The following FAXDC2 variants were observed in gnomAD, a reference collection of about 807,000 sequenced individuals.
FAXDC2 encodes fatty acid hydroxylase domain-containing protein 2.
In FAXDC2, 41 loss-of-function variants were observed where a neutral mutation model predicts 40.9. The ratio of observed to expected loss-of-function variants is 1.00; its 90% CI spans 0.78 to 1.30. The LOEUF (loss-of-function observed/expected upper bound fraction) is 1.30, where lower values mean the gene tolerates loss of function less well. FAXDC2 is among the 50% of genes most tolerant of loss of function. The pLI is 0.00. For synonymous variants in FAXDC2, 157 were observed against 149.3 expected (o/e 1.05, Z -0.38); for missense variants, 390 against 408.8 (o/e 0.95, Z 0.40).
At chr5:154,842,373 TA>T (rs1294668581) in intron 1 of FAXDC2, among the ~76,000 whole-genome samples, 1 of 147,658 alleles carries the variant, frequency 6.8e-6, no homozygotes, top group Non-Finnish European at 1.5e-5. Context: ...AATTTTTTTG[TA>T]TTTTTTTTTT....
Position 154,838,163 on chromosome 5 carries a change from C to T in FAXDC2, c.16G>A (p.Gly6Arg). ...GACTTTTCATTGTGTAGCATATGTC[C>T]AGCTTCTCCTTTCATCTGGAATGAG... MKGEA[G>R]HMLHNEKSKQ... Residue 6 changes from glycine (G) to arginine (R), a missense_variant, in exon 2 of 9, where the codon GGA becomes AGA. Coordinates refer to ENST00000326080, the MANE Select transcript of FAXDC2 (RefSeq NM_032385.5). The T allele has an allele frequency of 1.2e-6, 2 of 1,613,548 alleles. No individual in the cohort carries two copies. Among genetic ancestry groups the T allele is most frequent in the Non-Finnish European group, 1.7e-6 (2 of 1,179,816 alleles).
intron 6 of FAXDC2, 164 bp downstream of exon 6, chr5:154,823,223 A>G (rs1374661411): frequency 1.6e-6 from 1 of 629,856 alleles, no homozygotes; most frequent in Non-Finnish European, 2.8e-6. Flanking sequence ...GACATTCCCC[A>G]GGCTAGTCTC....
intron 1 of FAXDC2, among the ~76,000 whole-genome samples, chr5:154,842,189 T>TTTTTG (rs767625737): frequency 7.2e-5 from 11 of 151,824 alleles, no homozygotes; most frequent in Admixed American, 4.6e-4. Context: ...GTTTGTGTGT[T>TTTTTG]TTTTGTTTTG....
chr5:154,841,116 T>A (rs997001481), intron 1 of FAXDC2, among the ~76,000 whole-genome samples: 2 of 150,658 alleles, frequency 1.3e-5, no homozygotes, highest in Non-Finnish European at 2.9e-5. Flanking sequence ...TGGTGTGGCG[T>A]AGGCCTAACC....
At position 154,821,366 on chromosome 5, in the gene FAXDC2, T is replaced by C; in HGVS notation, c.739A>G (p.Ile247Val). The change falls in exon 8 of 9, where the codon ATC (isoleucine) becomes GTC (valine). Residue 247 changes from isoleucine to valine, a missense_variant. Transcript: ENST00000326080. ...AGGGCCAAGGAAAACCACATGGTGA[T>C]GGAGGACAAGTGGGAGCCCATTACT... The part of the protein sequence containing the change: ...PLVMGSHLSS[I>V]TMWFSLALII... The C allele has an allele frequency of 6.2e-7, 1 of 1,612,168 alleles. No individual in the cohort carries two copies. The highest frequency in any genetic ancestry group is 1.7e-5 in the Admixed American group (1 of 59,342).
chr5:154,833,932 T>A (rs1447508861), intron 4 of FAXDC2, among the ~76,000 whole-genome samples: 1 of 151,820 alleles, frequency 6.6e-6, no homozygotes, highest in Non-Finnish European at 1.5e-5. Context: ...CCTCCCAAGG[T>A]GCTAGGATTA....
chr5:154,840,975 C>T (rs1047596977), intron 1 of FAXDC2, among the ~76,000 whole-genome samples: 2 of 152,090 alleles, frequency 1.3e-5, no homozygotes, highest in African/African-American at 4.8e-5. Context: ...TTATCATTAC[C>T]ACTGTGAGTC....
intron 1 of FAXDC2, among the ~76,000 whole-genome samples, chr5:154,841,505 T>C (rs543804191): frequency 1.3e-4 from 20 of 152,256 alleles, no homozygotes; most frequent in African/African-American, 4.8e-4. Context: ...CCTAAACCAA[T>C]TGTAAACACC....
chr5:154,821,368 G>A lies in FAXDC2; in HGVS notation c.737C>T (p.Ser246Phe), dbSNP rs1212292465. Residue 246 changes from serine to phenylalanine, a missense_variant, in exon 8 of 9, where the codon TCC becomes TTC. By Grantham distance (155) the Ser-to-Phe change is radical (BLOSUM62 -2). Coordinates refer to ENST00000326080, the MANE Select transcript of FAXDC2 (RefSeq NM_032385.5). The stretch of plus-strand genomic sequence containing the variant: ...GGCCAAGGAAAACCACATGGTGATG[G>A]AGGACAAGTGGGAGCCCATTACTAA... ...GPLVMGSHLS[S>F]ITMWFSLALI... 1.2e-6 allele frequency: 2 copies of A among 1,612,096 alleles called. No individual in the cohort carries two copies. Among genetic ancestry groups the A allele is most frequent in the Admixed American group, 1.7e-5 (1 of 59,352 alleles).
intron 1 of FAXDC2, among the ~76,000 whole-genome samples, chr5:154,840,560 G>A (rs1014179001): frequency 6.6e-6 from 1 of 151,638 alleles, no homozygotes; most frequent in Non-Finnish European, 1.5e-5. Context: ...ACAGGGTCTT[G>A]CTCTGTTGCC....
At chr5:154,827,427 G>A (rs1486376595) in intron 5 of FAXDC2, among the ~76,000 whole-genome samples, 1 of 145,818 alleles carries the variant, frequency 6.9e-6, no homozygotes, top group Non-Finnish European at 1.5e-5. Flanking sequence ...TATTTTGTGT[G>A]TGTGTGTGTG....
chr5:154,834,515 C>A, intron 4 of FAXDC2, 110 bp downstream of exon 4: 1 of 789,988 alleles, frequency 1.3e-6, no homozygotes, highest in Non-Finnish European at 2.1e-6. Flanking sequence ...AAGTCCTCAT[C>A]CCTTGGAATA....
intron 1 of FAXDC2, among the ~76,000 whole-genome samples, chr5:154,839,643 C>G (rs1388269891): frequency 6.7e-6 from 1 of 149,696 alleles, no homozygotes; most frequent in African/African-American, 2.5e-5. Context: ...GTGACCTTGT[C>G]TCAAAAAAAG....
intron 5 of FAXDC2, among the ~76,000 whole-genome samples, chr5:154,825,805 G>A (rs1348217793): frequency 6.6e-6 from 1 of 152,060 alleles, no homozygotes; most frequent in Non-Finnish European, 1.5e-5. Flanking sequence ...TAGATTGGAT[G>A]TGGAGTATGA....
At chr5:154,843,940 C>T (rs1264085529) in intron 1 of FAXDC2, among the ~76,000 whole-genome samples, 1 of 152,038 alleles carries the variant, frequency 6.6e-6, no homozygotes, top group East Asian at 1.9e-4. Context: ...AGTCTTGGGT[C>T]GGGTGCAGTG....
At position 154,822,583 on chromosome 5, in the gene FAXDC2, G is replaced by A. The variant is rs1039366467; in HGVS notation, c.573-6C>T. The A allele has an allele frequency of 1.9e-6, 3 of 1,608,274 alleles. No individual in the cohort carries two copies. The African/African-American group carries it at 4.0e-5, about 22-fold the overall frequency. ...ATGTTGGGTGGTGAAGGAGCCTGGG[G>A]AAATAGTTAATAGTTAATAACCTGC... On this transcript the variant is annotated splice_polypyrimidine_tract_variant and splice_region_variant and intron_variant, in intron 6 of 8. Coordinates refer to ENST00000326080, the MANE Select transcript of FAXDC2 (RefSeq NM_032385.5).
At chr5:154,826,594 G>C (rs1328061285) in intron 5 of FAXDC2, among the ~76,000 whole-genome samples, 1 of 151,586 alleles carries the variant, frequency 6.6e-6, no homozygotes, top group Non-Finnish European at 1.5e-5. Flanking sequence ...TGTCCTGGAA[G>C]CCAAGTGAAA....
At chr5:154,823,969 C>G (rs1286095451) in intron 5 of FAXDC2, 1 of 256,606 alleles carries the variant, frequency 3.9e-6, no homozygotes, top group Non-Finnish European at 7.6e-6. Flanking sequence ...GAGTGATACC[C>G]CATTTCAGCC....
intron 5 of FAXDC2, among the ~76,000 whole-genome samples, chr5:154,827,809 A>G (rs1361720468): frequency 6.6e-6 from 1 of 151,874 alleles, no homozygotes; most frequent in East Asian, 1.9e-4. Context: ...TGGCCTTACA[A>G]AGTGGTAGGA....
Sources: gnomAD v4.1 joint callset for allele counts (sites outside exome capture counted in the v4.1 genomes callset) on GRCh38, gnomAD v4.1.1 for gene constraint, MANE v1.5 for transcripts, NCBI Gene and HGNC (gene_info 2026-07-23, HGNC 2026-07-21) for gene names.